Variants in SPMIP4 observed in about 807,000 individuals in gnomAD.
The protein encoded by SPMIP4 is sperm-associated microtubule inner protein 4.
chr7:25,144,437 CCCA>C, the SPMIP4 span, among the ~76,000 whole-genome samples: 14 of 152,210 alleles, frequency 9.2e-5, no homozygotes, highest in Non-Finnish European at 1.9e-4. Context: ...GCCCCATTTA[CCCA>C]CCACCTCACT....
At chr7:25,156,983 G>A in the SPMIP4 span, among the ~76,000 whole-genome samples, 4 of 152,026 alleles carry the variant, frequency 2.6e-5, no homozygotes, top group East Asian at 1.9e-4. Flanking sequence ...CACTGCGCCC[G>A]GCCACTCTGG....
At chr7:25,173,983 A>G in the SPMIP4 span, among the ~76,000 whole-genome samples, 6 of 152,224 alleles carry the variant, frequency 3.9e-5, no homozygotes, top group African/African-American at 1.4e-4. This position sits in a 1 kb window ranked among gnomAD's most constrained non-coding sequence, Gnocchi z 4.4. Context: ...GTAGAGAAGG[A>G]ACCAAATTAA....
At chr7:25,142,941 ATTAATTACTAG>A in the SPMIP4 span, 2 of 574,952 alleles carry the variant, frequency 3.5e-6, no homozygotes, top group South Asian at 7.0e-5. Flanking sequence ...TTTTTTTGTC[ATTAATTACTAG>A]TTAATTACTA....
the SPMIP4 span, among the ~76,000 whole-genome samples, chr7:25,159,578 T>G: frequency 6.6e-6 from 1 of 152,242 alleles, no homozygotes; most frequent in Non-Finnish European, 1.5e-5. Context: ...TAAAATTGAA[T>G]ACACTGTTTA....
At chr7:25,158,553 G>A in the SPMIP4 span, 1 of 1,601,180 alleles carries the variant, frequency 6.2e-7, no homozygotes, top group Non-Finnish European at 8.5e-7. Context: ...CAGGAAACAA[G>A]TTCTAACTTA....
chr7:25,163,052 C>T, the SPMIP4 span, among the ~76,000 whole-genome samples: 10 of 152,184 alleles, frequency 6.6e-5, no homozygotes, highest in South Asian at 2.1e-4. The surrounding 1 kb of genome is among the most constrained non-coding windows in gnomAD (Gnocchi z 4.4). Flanking sequence ...TGAGCCACTG[C>T]GCCCAGCTGG....
the SPMIP4 span, among the ~76,000 whole-genome samples, chr7:25,130,793 C>T: frequency 4.6e-5 from 7 of 152,182 alleles, no homozygotes; most frequent in East Asian, 1.9e-4. Flanking sequence ...AAATTCCTCC[C>T]GTAGTTAGCT....
chr7:25,135,751 A>G, the SPMIP4 span: 12 of 1,211,364 alleles, frequency 9.9e-6, no homozygotes, highest in African/African-American at 3.1e-5. Flanking sequence ...TCTAGTTCTA[A>G]TATTTTATTG....
the SPMIP4 span, chr7:25,179,451 C>T: frequency 1.3e-6 from 1 of 752,844 alleles, no homozygotes; most frequent in Non-Finnish European, 2.0e-6. Context: ...TCCCTCTGCA[C>T]TGAAAGCCGT....
the SPMIP4 span, among the ~76,000 whole-genome samples, chr7:25,166,230 C>CTGCTTTTTT: frequency 1.4e-5 from 1 of 69,230 alleles, no homozygotes; most frequent in Non-Finnish European, 4.0e-5. Flanking sequence ...TTCTTTCCGT[C>CTGCTTTTTT]TTCTTTTTTT....
At chr7:25,142,416 T>C in the SPMIP4 span, 1 of 1,049,984 alleles carries the variant, frequency 9.5e-7, no homozygotes, top group African/African-American at 1.6e-5. Context: ...AACTTACCCA[T>C]TCCTTTTGTA....
chr7:25,126,175 C>G, the SPMIP4 span, among the ~76,000 whole-genome samples: 4 of 152,080 alleles, frequency 2.6e-5, no homozygotes, highest in Non-Finnish European at 5.9e-5. Context: ...TTTTCTGTTA[C>G]AAGCAATCCA....
At chr7:25,158,050 C>A in the SPMIP4 span, among the ~76,000 whole-genome samples, 2 of 152,122 alleles carry the variant, frequency 1.3e-5, no homozygotes, top group African/African-American at 4.8e-5. Flanking sequence ...TGGACTTGTA[C>A]CAGCCTTTCC....
At chr7:25,159,734 T>A in the SPMIP4 span, among the ~76,000 whole-genome samples, 3 of 152,158 alleles carry the variant, frequency 2.0e-5, no homozygotes. Flanking sequence ...CAACTCTAAA[T>A]CTGTGGGCAC....
the SPMIP4 span, among the ~76,000 whole-genome samples, chr7:25,145,925 T>C: frequency 3.3e-5 from 3 of 89,942 alleles, no homozygotes; most frequent in Admixed American, 2.0e-4. Context: ...GCAAATATAG[T>C]TTTTTTTTTT....
At chr7:25,168,852 A>T in the SPMIP4 span, among the ~76,000 whole-genome samples, 116 of 106,800 alleles carry the variant, frequency 1.1e-3, 1 homozygote, top group African/African-American at 5.8e-3. Flanking sequence ...CAGCCTCCCG[A>T]GTAGCTGACA....
chr7:25,141,275 T>C, the SPMIP4 span, among the ~76,000 whole-genome samples: 7 of 152,102 alleles, frequency 4.6e-5, no homozygotes, highest in Non-Finnish European at 1.0e-4. Flanking sequence ...ATGTACAAGA[T>C]ATATAAATAT....
At chr7:25,162,925 T>C in the SPMIP4 span, among the ~76,000 whole-genome samples, 2 of 152,034 alleles carry the variant, frequency 1.3e-5, no homozygotes, top group Non-Finnish European at 2.9e-5. Context: ...GCACCCGCCA[T>C]CGTGCCCGGC....
the SPMIP4 span, chr7:25,136,412 G>A: frequency 1.1e-5 from 17 of 1,614,062 alleles, no homozygotes; most frequent in African/African-American, 1.3e-5. The surrounding 1 kb of genome is among the most constrained non-coding windows in gnomAD (Gnocchi z 5.7). Flanking sequence ...AGTGACTGCT[G>A]TCTCCAGTAT....
Sources: allele counts gnomAD v4.1 joint callset (sites outside exome capture counted in the v4.1 genomes callset), GRCh38; gene constraint gnomAD v4.1.1; non-coding constraint Gnocchi (gnomAD v3.1); transcripts MANE v1.5; gene names NCBI Gene and HGNC (gene_info 2026-07-23, HGNC 2026-07-21).